MYCBP2: variants seen among roughly 807,000 people sequenced by gnomAD.
The protein encoded by MYCBP2 is E3 ubiquitin-protein ligase MYCBP2.
A neutral mutation model predicts 525.3 loss-of-function variants in MYCBP2; 120 were observed. That is an observed-to-expected ratio of 0.23 (90% CI 0.20 to 0.27). The LOEUF (loss-of-function observed/expected upper bound fraction) is 0.27, where lower values mean the gene tolerates loss of function less well. Ranked by LOEUF, MYCBP2 falls within the 10% of genes least tolerant of loss-of-function variation. The probability of loss-of-function intolerance (pLI) is 1.00; values close to 1 mark genes in which losing one functional copy is unlikely to be tolerated. For missense variants in MYCBP2, 4,149 were observed against 5,657.1 expected, an observed-to-expected ratio of 0.73 and a Z score of 8.55; for synonymous variants, 1,894 against 1,955.8, an observed-to-expected ratio of 0.97 and a Z score of 0.83.
chr13:77,314,458 T>G (rs946393220), intron 1 of MYCBP2, among the ~76,000 whole-genome samples: 2 of 152,208 alleles, frequency 1.3e-5, no homozygotes, highest in African/African-American at 4.8e-5. Context: ...CTATCAAGTC[T>G]CATACACAAA....
At position 77,176,507 on chromosome 13, in the gene MYCBP2, A is replaced by G; in HGVS notation, c.5462T>C (p.Val1821Ala). The G allele has an allele frequency of 6.3e-7, 1 of 1,578,294 alleles. No individual in the cohort carries two copies. Among genetic ancestry groups the G allele is most frequent in the Admixed American group, 1.7e-5 (1 of 58,706 alleles). Residue 1821 changes from valine (V) to alanine (A), a missense_variant, in exon 36 of 83, where the codon GTT becomes GCT. This residue lies in a region of MYCBP2 where 109 missense variants were observed against 118.9 expected (regional missense o/e 0.92). Coordinates refer to ENST00000544440, the MANE Select transcript of MYCBP2 (RefSeq NM_015057.5). The part of the protein sequence containing the change: ...DIAEIRLDKV[V>A]PLKENVKYAV... ...TTCAGTTGAAACTACCTTTAAAGGA[A>G]CCACTTTGTCAAGTCTGATCTCAGC...
intron 55 of MYCBP2, among the ~76,000 whole-genome samples, chr13:77,106,465 GAGGCT>G (rs1222432706): frequency 6.6e-6 from 1 of 152,088 alleles, no homozygotes; most frequent in Non-Finnish European, 1.5e-5. Flanking sequence ...TTATATTCAG[GAGGCT>G]AGGCGTCTAA....
chr13:77,047,826 A>T (rs1032177711), intron 82 of MYCBP2, among the ~76,000 whole-genome samples: 1 of 152,060 alleles, frequency 6.6e-6, no homozygotes, highest in African/African-American at 2.4e-5. Flanking sequence ...GGCCAAGCTG[A>T]GTCACGCTGC....
intron 39 of MYCBP2, 122 bp from the exon 40 acceptor site, chr13:77,168,768 G>A (rs137929772): frequency 1.2e-6 from 1 of 807,348 alleles, no homozygotes; most frequent in African/African-American, 1.7e-5. Flanking sequence ...CACTAGTTAA[G>A]TTTTTGTCCA....
chr13:77,067,428 T>C (rs1329405860), intron 71 of MYCBP2, among the ~76,000 whole-genome samples, 153 bp downstream of exon 71: 1 of 152,194 alleles, frequency 6.6e-6, no homozygotes, highest in Non-Finnish European at 1.5e-5. Context: ...GACACTTTTA[T>C]TATATACATG....
intron 46 of MYCBP2, among the ~76,000 whole-genome samples, chr13:77,155,370 C>T (rs1333018745): frequency 6.6e-6 from 1 of 152,116 alleles, no homozygotes; most frequent in East Asian, 1.9e-4. Flanking sequence ...AACAACCAAT[C>T]ACTCTATAAG....
chr13:77,204,928 T>C (rs1329210391), intron 26 of MYCBP2, among the ~76,000 whole-genome samples: 1 of 145,380 alleles, frequency 6.9e-6, no homozygotes, highest in Non-Finnish European at 1.5e-5. Flanking sequence ...GGGATAGCAT[T>C]GGGAGATATA....
At chr13:77,113,341 A>G (rs1200161341) in intron 55 of MYCBP2, among the ~76,000 whole-genome samples, 1 of 152,018 alleles carries the variant, frequency 6.6e-6, no homozygotes, top group Non-Finnish European at 1.5e-5. Context: ...AAAACATGCC[A>G]TTATTTTTTC....
At position 77,262,059 on chromosome 13, in the gene MYCBP2, A is replaced by G; in HGVS notation, c.1641T>C (p.Asn547=). 1 of 1,610,406 alleles carries G rather than the reference A, an allele frequency of 6.2e-7. No homozygotes were observed. Among genetic ancestry groups the G allele is most frequent in the Non-Finnish European group, 8.5e-7 (1 of 1,177,700 alleles). ...GREFALMKTA[N]GKIYYTGKYQ... ...TCCAAAGAGAATAATTTACCTTTCC[A>G]TTTGCTGTTTTCATTAGCGCAAACT... The change falls in exon 11 of 83, where the codon AAT becomes AAC. Residue 547 remains asparagine, a synonymous_variant. Coordinates refer to ENST00000544440, the MANE Select transcript of MYCBP2 (RefSeq NM_015057.5).
Position 77,150,756 on chromosome 13 carries a change from T to C in MYCBP2, c.7109A>G (p.Tyr2370Cys). 1.2e-6 allele frequency: 2 copies of C among 1,614,020 alleles called. No homozygotes were observed. Among genetic ancestry groups the C allele is most frequent in the African/African-American group, 1.3e-5 (1 of 75,074 alleles). Residue 2370 changes from tyrosine to cysteine, a missense_variant, in exon 47 of 83, where the codon TAT becomes TGT. Physicochemically the swap from Tyr to Cys is radical, Grantham distance 194. Coordinates refer to ENST00000544440, the MANE Select transcript of MYCBP2 (RefSeq NM_015057.5). ...YEPMIVKEAR[Y>C]IAITMMKVYE... ...TACCTTCATCATTGTTATGGCAATA[T>C]ATCGAGCTTCCTTCACTATCATTGG... is the stretch of plus-strand genomic sequence containing the variant.
At chr13:77,087,170 A>C (rs2044460998) in intron 62 of MYCBP2, among the ~76,000 whole-genome samples, 1 of 152,178 alleles carries the variant, frequency 6.6e-6, no homozygotes, top group Admixed American at 6.6e-5. Flanking sequence ...GACTGGGAAT[A>C]AGATAAATGT....
intron 2 of MYCBP2, 94 bp downstream of exon 2, chr13:77,296,505 T>TA: frequency 7.4e-7 from 1 of 1,360,338 alleles, no homozygotes; most frequent in Non-Finnish European, 9.7e-7. Context: ...CACATACTAA[T>TA]AAAATGGTTT....
chr13:77,288,040 G>T, intron 3 of MYCBP2, 121 bp downstream of exon 3: 1 of 969,068 alleles, frequency 1.0e-6, no homozygotes, highest in Non-Finnish European at 1.5e-6. Flanking sequence ...CCCATAAGCC[G>T]TGTTATTTTT....
chr13:77,294,830 G>A (rs1406281081), intron 2 of MYCBP2, among the ~76,000 whole-genome samples: 1 of 152,116 alleles, frequency 6.6e-6, no homozygotes, highest in Non-Finnish European at 1.5e-5. Context: ...CTTTCCTTAG[G>A]GTAACTATTC....
intron 62 of MYCBP2, 37 bp downstream of exon 62, chr13:77,087,447 T>C: frequency 1.3e-6 from 2 of 1,546,504 alleles, no homozygotes; most frequent in South Asian, 1.2e-5. Context: ...CCAGTTTCTA[T>C]AAAAATATGC....
intron 14 of MYCBP2, among the ~76,000 whole-genome samples, chr13:77,254,682 T>C (rs1230171214): frequency 2.6e-5 from 4 of 151,906 alleles, no homozygotes; most frequent in Admixed American, 2.6e-4. Context: ...CACCCTACTC[T>C]GCTCCTGAAC....
At chr13:77,238,131 T>TA (rs1013928993) in intron 17 of MYCBP2, among the ~76,000 whole-genome samples, 18 of 150,256 alleles carry the variant, frequency 1.2e-4, no homozygotes, top group African/African-American at 4.4e-4. Context: ...CAGTCCCAGC[T>TA]ACTCGGGAGG....
chr13:77,180,424 A>G, intron 33 of MYCBP2, 106 bp from the exon 34 acceptor site: 3 of 913,626 alleles, frequency 3.3e-6, no homozygotes, highest in Non-Finnish European at 5.0e-6. Flanking sequence ...TCAGACTTGA[A>G]TCAGGGTCAA....
intron 55 of MYCBP2, among the ~76,000 whole-genome samples, chr13:77,120,143 T>C (rs2050436357): frequency 6.6e-6 from 1 of 152,128 alleles, no homozygotes; most frequent in South Asian, 2.1e-4. Flanking sequence ...TATAGAGATA[T>C]AGTAGCGGTA....
Sources: allele counts gnomAD v4.1 joint callset (sites outside exome capture counted in the v4.1 genomes callset), GRCh38; gene constraint gnomAD v4.1.1; regional missense constraint gnomAD v4.1.1; transcripts MANE v1.5; gene names NCBI Gene and HGNC (gene_info 2026-07-23, HGNC 2026-07-21).